The following NRP1 variants were observed in gnomAD, a reference collection of about 807,000 sequenced individuals.
The protein encoded by NRP1 is neuropilin-1.
NRP1 carries 35 observed loss-of-function variants against 106.7 expected under a neutral mutation model. The observed-to-expected ratio is 0.33, with a 90% CI of 0.25 to 0.43. The LOEUF is 0.43. Ranked by LOEUF, NRP1 falls within the 20% of genes least tolerant of loss-of-function variation. The probability of loss-of-function intolerance (pLI) is 1.00; values close to 1 mark genes in which losing one functional copy is unlikely to be tolerated. For synonymous variants in NRP1, 437 were observed against 417.9 expected, an observed-to-expected ratio of 1.05 and a Z score of -0.56; for missense variants, 1,024 against 1,170.4, an observed-to-expected ratio of 0.87 and a Z score of 1.83.
chr10:33,237,429 G>A (rs1840641558), intron 6 of NRP1, among the ~76,000 whole-genome samples: 1 of 151,578 alleles, frequency 6.6e-6, no homozygotes, highest in Non-Finnish European at 1.5e-5. Context: ...ACTTTGGCTG[G>A]GGAAGCAGAA....
chr10:33,214,953 A>G (rs891877467), intron 8 of NRP1, among the ~76,000 whole-genome samples: 1 of 152,270 alleles, frequency 6.6e-6, no homozygotes, highest in Non-Finnish European at 1.5e-5. Flanking sequence ...AAAATGTACA[A>G]TGATAAAATT....
intron 1 of NRP1, among the ~76,000 whole-genome samples, chr10:33,333,068 A>T (rs915113766): frequency 7.2e-5 from 11 of 152,188 alleles, no homozygotes; most frequent in African/African-American, 2.4e-4. Flanking sequence ...GTTGGACGAG[A>T]ATGCTATTTC....
At position 33,263,718 on chromosome 10, in the gene NRP1, G is replaced by C. The variant is rs762939897; in HGVS notation, c.586C>G (p.Pro196Ala). ...ATCCCCCCTGGAGGATTTGAGTCAG[G>C]CTCCAGGTCAAAGCTTTCAAATTCC... ...ILEFESFDLE[P>A]DSNPPGGMFC... Residue 196 changes from proline to alanine, a missense_variant, in exon 4 of 17, where the codon CCT becomes GCT. Physicochemically the swap from Pro to Ala is conservative, Grantham distance 27 (BLOSUM62 -1). Around this residue, in one of 5 missense-constraint regions of NRP1, gnomAD observed 279 missense variants for 327.4 expected, o/e 0.85. Transcript: ENST00000374867. 8 of 1,614,076 alleles carry C rather than the reference G, an allele frequency of 5.0e-6. No individual in the cohort carries two copies. Among genetic ancestry groups the C allele is most frequent in the Non-Finnish European group, 6.8e-6 (8 of 1,179,998 alleles).
chr10:33,246,502 G>A (rs1841435789), intron 6 of NRP1, among the ~76,000 whole-genome samples: 1 of 151,978 alleles, frequency 6.6e-6, no homozygotes, highest in South Asian at 2.1e-4. Flanking sequence ...AGCTCACCTT[G>A]GGGAATTTTT....
At chr10:33,307,680 A>T in intron 2 of NRP1, among the ~76,000 whole-genome samples, 1 of 152,320 alleles carries the variant, frequency 6.6e-6, no homozygotes, top group African/African-American at 2.4e-5. Flanking sequence ...ATACATCAAG[A>T]TTTATGCATA....
chr10:33,205,977 C>T lies in NRP1; in HGVS notation c.1759+1595G>A, dbSNP rs191481466. On this transcript the variant is annotated intron_variant, in intron 10 of 16. Coordinates refer to ENST00000374867, the MANE Select transcript of NRP1 (RefSeq NM_003873.7). ...TTTCAAAGTTAAACTATAAGTTCCT[C>T]CTAAAGTTAGTTTGGCCTATGCCCA... 30 of 238,372 alleles carry T rather than the reference C, an allele frequency of 1.3e-4. No homozygotes were observed. In the East Asian group the frequency reaches 3.0e-3, roughly 24 times the overall value. 14.8% of individuals were successfully genotyped at this position (238,372 alleles called of 1,614,324 possible). A position where few individuals can be genotyped will look rare whatever the true frequency, so the allele number is the denominator to read the frequency against.
chr10:33,211,461 G>C (rs966736157), intron 9 of NRP1: 1 of 152,236 alleles, frequency 6.6e-6, no homozygotes, highest in South Asian at 2.1e-4. Flanking sequence ...AGGCACAAAA[G>C]GGGAAAATGA....
At position 33,263,790 on chromosome 10, in the gene NRP1, C is replaced by G. The variant is rs754991998; in HGVS notation, c.514G>C (p.Glu172Gln). 2 of 1,613,814 alleles carry G rather than the reference C, an allele frequency of 1.2e-6. No homozygotes were observed. Among genetic ancestry groups the G allele is most frequent in the Non-Finnish European group, 8.5e-7 (1 of 1,179,738 alleles). ...GFPEKYPNSL[E>Q]CTYIVFVPKM... Reference sequence around the variant, plus strand: ...GGCACAAAGACAATATAAGTGCATTCAAGGCTGTTGGGATATTTTTCAGGG... The same window carrying G: ...GGCACAAAGACAATATAAGTGCATTGAAGGCTGTTGGGATATTTTTCAGGG... The change falls in exon 4 of 17, where the codon GAA becomes CAA. Residue 172 changes from glutamate (E) to glutamine (Q), a missense_variant. Around this residue, in one of 5 missense-constraint regions of NRP1, gnomAD observed 279 missense variants for 327.4 expected, o/e 0.85. Coordinates refer to ENST00000374867, the MANE Select transcript of NRP1 (RefSeq NM_003873.7).
chr10:33,249,478 G>T, intron 6 of NRP1: 1 of 530,170 alleles, frequency 1.9e-6, no homozygotes, highest in African/African-American at 1.9e-5. Context: ...TTAATGGCCT[G>T]GGTTCTAATG....
intron 2 of NRP1, among the ~76,000 whole-genome samples, chr10:33,300,825 T>C (rs1845751666): frequency 6.6e-6 from 1 of 152,208 alleles, no homozygotes; most frequent in Non-Finnish European, 1.5e-5. Context: ...CTTTCCAGAC[T>C]GAACCAATGT....
At chr10:33,320,521 T>A (rs74129656) in intron 2 of NRP1, among the ~76,000 whole-genome samples, 11,043 of 152,152 alleles carry the variant, frequency 0.073, 569 homozygotes, top group African/African-American at 0.14. Flanking sequence ...GTGGCTGTCT[T>A]AAGTGCTTTC....
chr10:33,237,113 T>A (rs1840619805), intron 6 of NRP1, among the ~76,000 whole-genome samples: 1 of 152,010 alleles, frequency 6.6e-6, no homozygotes, highest in Non-Finnish European at 1.5e-5. Context: ...GCTTCACACA[T>A]CGTAGCCACT....
chr10:33,245,759 C>A (rs1326823611), intron 6 of NRP1, among the ~76,000 whole-genome samples: 6 of 146,334 alleles, frequency 4.1e-5, no homozygotes, highest in Non-Finnish European at 7.5e-5. Flanking sequence ...ATGCCTGTAT[C>A]CCTTTTAGTC....
intron 9 of NRP1, chr10:33,212,807 A>C (rs185923699): frequency 1.9e-4 from 31 of 164,180 alleles, no homozygotes; most frequent in Non-Finnish European, 2.8e-4. Context: ...AATAGCTAGG[A>C]CTACAGGCAC....
intron 2 of NRP1, among the ~76,000 whole-genome samples, chr10:33,293,853 T>A (rs1845184926): frequency 6.6e-6 from 1 of 152,226 alleles, no homozygotes; most frequent in Admixed American, 6.5e-5. Flanking sequence ...AATTTCTGAA[T>A]ATCCATGTGA....
chr10:33,248,162 C>T (rs950484939), intron 6 of NRP1, among the ~76,000 whole-genome samples: 2 of 152,094 alleles, frequency 1.3e-5, no homozygotes, highest in African/African-American at 4.8e-5. Flanking sequence ...TGGTGGCACA[C>T]GCCTGTAATC....
intron 13 of NRP1, 121 bp from the exon 14 acceptor site, chr10:33,186,609 A>G: frequency 8.6e-7 from 1 of 1,161,644 alleles, no homozygotes; most frequent in East Asian, 2.4e-5. Context: ...CCAAATACGT[A>G]GTGGAAAGGG....
intron 2 of NRP1, among the ~76,000 whole-genome samples, chr10:33,321,772 A>AT (rs1847529103): frequency 6.6e-6 from 1 of 152,216 alleles, no homozygotes; most frequent in Non-Finnish European, 1.5e-5. Context: ...ATCTTCGGCT[A>AT]TTCTGGAGAA....
intron 3 of NRP1, among the ~76,000 whole-genome samples, chr10:33,269,694 T>A (rs1383935758): frequency 6.6e-6 from 1 of 152,088 alleles, no homozygotes; most frequent in Non-Finnish European, 1.5e-5. Context: ...TTACAGCCAC[T>A]CCCCATCACT....
Sources: allele counts gnomAD v4.1 joint callset (sites outside exome capture counted in the v4.1 genomes callset), GRCh38; gene constraint gnomAD v4.1.1; regional missense constraint gnomAD v4.1.1; transcripts MANE v1.5; gene names NCBI Gene and HGNC (gene_info 2026-07-23, HGNC 2026-07-21).